Variants in EGLN1 observed in about 807,000 individuals in gnomAD.
EGLN1 encodes egl-9 family hypoxia inducible factor 1.
Under a neutral mutation model 38.3 loss-of-function variants are expected in EGLN1, and 17 were observed. That is an observed-to-expected ratio of 0.44 (90% CI 0.30 to 0.67). EGLN1 has a LOEUF of 0.67. EGLN1 is among the 30% of genes least tolerant of loss of function. The pLI is 0.08. For synonymous variants in EGLN1, 283 were observed against 257.5 expected, an observed-to-expected ratio of 1.10 and a Z score of -0.95; for missense variants, 477 against 603.3, an observed-to-expected ratio of 0.79 and a Z score of 2.19.
At position 231,421,874 on chromosome 1, in the gene EGLN1, G is replaced by A; in HGVS notation, c.15C>T (p.Ser5=). ...TCGGGCTCGGCCCGCCGGGCCCGCC[G>A]CTGTCATTGGCCATGGCGGCGGCGG... MAND[S]GGPGGPSPSE... is the part of the protein sequence containing the mutation. The change falls in exon 1 of 5, where the codon AGC becomes AGT. Residue 5 remains serine, a synonymous_variant. Coordinates refer to ENST00000366641, the MANE Select transcript of EGLN1 (RefSeq NM_022051.3). The surrounding 1 kb of genome is among the most constrained non-coding windows in gnomAD (Gnocchi z 5.5). 1.3e-6 allele frequency: 2 copies of A among 1,490,368 alleles called. No individual in the cohort carries two copies. Among genetic ancestry groups the A allele is most frequent in the South Asian group, 1.3e-5 (1 of 78,566 alleles). The allele number at this position is 1,490,368 out of a possible 1,614,324, so 92.3% of individuals were successfully genotyped here.
At chr1:231,391,095 TGTGTGTGTG>T (rs1688366701) in intron 1 of EGLN1, among the ~76,000 whole-genome samples, 1 of 60,420 alleles carries the variant, frequency 1.7e-5, no homozygotes, top group African/African-American at 4.5e-5. Context: ...TTTTTTTTTG[TGTGTGTGTG>T]TGTGTGTGTG....
chr1:231,418,627 G>A (rs1230749111), intron 1 of EGLN1, among the ~76,000 whole-genome samples: 1 of 152,132 alleles, frequency 6.6e-6, no homozygotes, highest in Admixed American at 6.5e-5. Context: ...ACTTTGGGAG[G>A]ACAAGGCAGG....
chr1:231,394,857 C>T (rs1319089898), intron 1 of EGLN1, among the ~76,000 whole-genome samples: 3 of 152,074 alleles, frequency 2.0e-5, no homozygotes, highest in South Asian at 2.1e-4. Context: ...GGCTAGGATG[C>T]GGGAAAGTAC....
chr1:231,376,541 G>A (rs1687962311), intron 1 of EGLN1, among the ~76,000 whole-genome samples: 1 of 151,940 alleles, frequency 6.6e-6, no homozygotes, highest in African/African-American at 2.4e-5. Flanking sequence ...GTATGTACAG[G>A]AAAAAATATA....
chr1:231,408,603 C>T (rs980107447), intron 1 of EGLN1, among the ~76,000 whole-genome samples: 3 of 152,026 alleles, frequency 2.0e-5, no homozygotes, highest in African/African-American at 4.8e-5. Flanking sequence ...CTAATTAGAG[C>T]GGTGCAGTGG....
intron 4 of EGLN1, 138 bp downstream of exon 4, chr1:231,367,431 G>A: frequency 1.1e-6 from 1 of 900,486 alleles, no homozygotes; most frequent in Non-Finnish European, 1.8e-6. Context: ...TAAAAAATGA[G>A]GCAAATAAGA....
intron 1 of EGLN1, among the ~76,000 whole-genome samples, chr1:231,390,853 AT>A (rs5781642): frequency 0.54 from 79,622 of 148,248 alleles, 22,533 homozygotes; most frequent in Non-Finnish European, 0.64. Context: ...ACTATTATTA[AT>A]TTTTTTTTTT....
Position 231,421,436 on chromosome 1 carries a change from G to A in EGLN1, c.453C>T (p.Ala151=), listed in dbSNP as rs778676941. The change falls in exon 1 of 5, where the codon GCC becomes GCT. Residue 151 remains alanine, a synonymous_variant. Transcript: ENST00000366641. This position sits in a 1 kb window ranked among gnomAD's most constrained non-coding sequence, Gnocchi z 5.5. ...EAEPGKEEPP[A]RSSLFQEKAN... is the part of the protein sequence containing the mutation. ...CCTTCTCCTGGAACAGCGATGAGCG[G>A]GCCGGCGGCTCCTCCTTGCCGGGCT... The A allele has an allele frequency of 3.9e-6, 6 of 1,535,760 alleles. No individual in the cohort carries two copies. Among genetic ancestry groups the A allele is most frequent in the African/African-American group, 2.8e-5 (2 of 72,616 alleles).
At chr1:231,412,812 G>A (rs1688987791) in intron 1 of EGLN1, among the ~76,000 whole-genome samples, 1 of 152,132 alleles carries the variant, frequency 6.6e-6, no homozygotes, top group African/African-American at 2.4e-5. Flanking sequence ...TGAAAAAGTG[G>A]GGGCAAGAGA....
rs949527201 is a variant in EGLN1, at chr1:231,366,264, T to G, written c.*147A>C. On this transcript the variant is annotated 3_prime_UTR_variant, in exon 5 of 5. Coordinates refer to ENST00000366641, the MANE Select transcript of EGLN1 (RefSeq NM_022051.3). ...AGTCACAGCAGTCAAAATCTTCTGTTTGATGCAACACAAAAAGTTGTTTCT... is the reference window on the plus strand; with the variant it reads ...AGTCACAGCAGTCAAAATCTTCTGTGTGATGCAACACAAAAAGTTGTTTCT... 1 of 802,422 alleles carries G rather than the reference T, an allele frequency of 1.2e-6. No individual in the cohort carries two copies. The highest frequency in any genetic ancestry group is 1.7e-5 in the African/African-American group (1 of 57,946). The allele number at this position is 802,422 out of a possible 1,614,324, so 49.7% of individuals were successfully genotyped here.
At chr1:231,406,855 T>C (rs1352406616) in intron 1 of EGLN1, among the ~76,000 whole-genome samples, 1 of 152,118 alleles carries the variant, frequency 6.6e-6, no homozygotes, top group Non-Finnish European at 1.5e-5. Flanking sequence ...ATGACCGCCT[T>C]GGAAAAAACT....
At chr1:231,383,173 A>AT (rs551998307) in intron 1 of EGLN1, among the ~76,000 whole-genome samples, 3 of 151,198 alleles carry the variant, frequency 2.0e-5, no homozygotes, top group African/African-American at 7.3e-5. Context: ...TTCCTAATAA[A>AT]TTTTTTTTGT....
At chr1:231,405,472 C>T (rs2102930357) in intron 1 of EGLN1, among the ~76,000 whole-genome samples, 1 of 152,224 alleles carries the variant, frequency 6.6e-6, no homozygotes, top group South Asian at 2.1e-4. Context: ...CCACCATGCC[C>T]AGCCAATATA....
intron 1 of EGLN1, among the ~76,000 whole-genome samples, chr1:231,403,726 C>T (rs1688718362): frequency 7.0e-6 from 1 of 142,636 alleles, no homozygotes; most frequent in South Asian, 2.2e-4. Flanking sequence ...TTGCAGTGAG[C>T]CACTGCACTC....
At position 231,366,130 on chromosome 1, in the gene EGLN1, T is replaced by A; in HGVS notation, c.*281A>T. 2.2e-6 allele frequency: 1 copy of A among 455,890 alleles called. No homozygotes were observed. The highest frequency in any genetic ancestry group is 3.9e-6 in the Non-Finnish European group (1 of 256,656). 28.2% of individuals were successfully genotyped at this position (455,890 alleles called of 1,614,324 possible). On this transcript the variant is annotated 3_prime_UTR_variant, in exon 5 of 5. Transcript: ENST00000366641. ...TGGCAAAATATAAGAATGAAAAAAA[T>A]TCTACACAGGGCACTTATTTCATAT... is the stretch of plus-strand genomic sequence containing the variant.
intron 1 of EGLN1, among the ~76,000 whole-genome samples, chr1:231,411,913 C>G (rs1688958841): frequency 6.8e-6 from 1 of 146,440 alleles, no homozygotes; most frequent in South Asian, 2.2e-4. Flanking sequence ...GGAGGAGAAT[C>G]ACTTGAACCC....
At position 231,402,367 on chromosome 1, in the gene EGLN1, T is replaced by C. The variant is rs532827607; in HGVS notation, c.891+18631A>G. 1.3e-3 allele frequency among the ~76,000 whole-genome samples: 199 copies of C among 152,230 alleles called. 1 individual carries two copies. Among genetic ancestry groups the C allele is most frequent in the African/African-American group, 4.5e-3 (187 of 41,574 alleles). On this transcript the variant is annotated intron_variant, in intron 1 of 4. Coordinates refer to ENST00000366641, the MANE Select transcript of EGLN1 (RefSeq NM_022051.3). ...ATCTTTTTTATGTCCTAAAAAATAT[T>C]TGCTTATCTTGAGGTCACAAGGATT...
chr1:231,377,924 T>A (rs1048087823), intron 1 of EGLN1, among the ~76,000 whole-genome samples: 2 of 152,226 alleles, frequency 1.3e-5, no homozygotes, highest in Non-Finnish European at 2.9e-5. Flanking sequence ...AAGTTTTAAA[T>A]CTCACGTTTT....
At chr1:231,408,608 C>G (rs181706730) in intron 1 of EGLN1, among the ~76,000 whole-genome samples, 11 of 152,154 alleles carry the variant, frequency 7.2e-5, no homozygotes, top group Admixed American at 6.5e-4. Flanking sequence ...TAGAGCGGTG[C>G]AGTGGGAATT....
Sources: gnomAD v4.1 joint callset for allele counts (sites outside exome capture counted in the v4.1 genomes callset) on GRCh38, gnomAD v4.1.1 for gene constraint, Gnocchi (gnomAD v3.1) non-coding constraint, MANE v1.5 for transcripts, NCBI Gene and HGNC (gene_info 2026-07-23, HGNC 2026-07-21) for gene names.